Variants in ULK4 observed in about 807,000 individuals in gnomAD.
ULK4 encodes the protein unc-51 like kinase 4.
ULK4 carries 133 observed loss-of-function variants against 160.6 expected under a neutral mutation model. The observed-to-expected ratio is 0.83, with a 90% CI of 0.72 to 0.96. The LOEUF is 0.96. ULK4 is among the 40% of genes least tolerant of loss of function. The probability of loss-of-function intolerance (pLI) is 0.00; values close to 1 mark genes in which losing one functional copy is unlikely to be tolerated. For missense variants in ULK4, 1,580 were observed against 1,499.5 expected (o/e 1.05, Z -0.89); for synonymous variants, 534 against 539.8 (o/e 0.99, Z 0.15).
intron 34 of ULK4, among the ~76,000 whole-genome samples, chr3:41,441,522 T>C (rs1296397151): frequency 2.6e-5 from 4 of 152,070 alleles, no homozygotes; most frequent in Non-Finnish European, 5.9e-5. Flanking sequence ...TTCTCTATAT[T>C]ACAAAATATA....
intron 34 of ULK4, among the ~76,000 whole-genome samples, chr3:41,438,975 A>T (rs917752773): frequency 5.2e-5 from 7 of 134,146 alleles, no homozygotes; most frequent in Non-Finnish European, 7.8e-5. Context: ...CACCAGGAAA[A>T]TTTAAAAAAA....
At chr3:41,387,449 T>G (rs2081843982) in intron 35 of ULK4, among the ~76,000 whole-genome samples, 1 of 152,142 alleles carries the variant, frequency 6.6e-6, no homozygotes, top group Non-Finnish European at 1.5e-5. Flanking sequence ...TGTATACATG[T>G]GCCATGTTGG....
intron 22 of ULK4, among the ~76,000 whole-genome samples, chr3:41,745,443 CT>C (rs1413061766): frequency 6.6e-6 from 1 of 151,630 alleles, no homozygotes; most frequent in African/African-American, 2.4e-5. Context: ...ACTACCAAAA[CT>C]TGACCTAGTA....
At position 41,246,699 on chromosome 3, in the gene ULK4, A is replaced by C; in HGVS notation, c.*230T>G. 1.9e-6 allele frequency: 1 copy of C among 526,560 alleles called. No individual in the cohort carries two copies. Among genetic ancestry groups the C allele is most frequent in the South Asian group, 2.8e-5 (1 of 35,504 alleles). The allele number at this position is 526,560 out of a possible 1,614,324, so 32.6% of individuals were successfully genotyped here. A position where few individuals can be genotyped will look rare whatever the true frequency, so the allele number is the denominator to read the frequency against. ...GAACATTTCTGAGAACAGCTAACAA[A>C]CCTGGGCTTCCCAGATGCATTCCAC... is the stretch of plus-strand genomic sequence containing the variant. On this transcript the variant is annotated 3_prime_UTR_variant, in exon 37 of 37. Coordinates refer to ENST00000301831, the MANE Select transcript of ULK4 (RefSeq NM_017886.4).
At chr3:41,349,099 G>A (rs2080862028) in intron 35 of ULK4, among the ~76,000 whole-genome samples, 1 of 152,158 alleles carries the variant, frequency 6.6e-6, no homozygotes, top group South Asian at 2.1e-4. Context: ...GAGCACATCT[G>A]GAAGACCAGA....
intron 21 of ULK4, among the ~76,000 whole-genome samples, chr3:41,785,105 A>C (rs992645290): frequency 1.3e-5 from 2 of 152,216 alleles, no homozygotes; most frequent in African/African-American, 4.8e-5. Context: ...ACACTTGAGT[A>C]ATCTATTAGA....
intron 16 of ULK4, among the ~76,000 whole-genome samples, chr3:41,887,782 CTA>C (rs1697776333): frequency 1.7e-4 from 1 of 5,852 alleles, no homozygotes; most frequent in Non-Finnish European, 0.013. Flanking sequence ...GATCATGCCA[CTA>C]CTGCACTCCC....
At chr3:41,830,997 T>A (rs1475024471) in intron 18 of ULK4, among the ~76,000 whole-genome samples, 1 of 146,208 alleles carries the variant, frequency 6.8e-6, no homozygotes, top group Admixed American at 6.8e-5. Context: ...GCACAGGGAA[T>A]GTTTTTATTA....
chr3:41,273,816 G>T (rs755238944), intron 35 of ULK4, among the ~76,000 whole-genome samples: 1 of 152,060 alleles, frequency 6.6e-6, no homozygotes, highest in African/African-American at 2.4e-5. Flanking sequence ...TCACCAGAAT[G>T]GACTGGTTCC....
chr3:41,424,360 G>A lies in ULK4; in HGVS notation c.3493-26096C>T, dbSNP rs180860375. Among the ~76,000 whole-genome samples, 35 of 151,112 alleles carry A rather than the reference G, an allele frequency of 2.3e-4. No individual in the cohort carries two copies. The East Asian group carries it at 6.4e-3, about 28-fold the overall frequency. On this transcript the variant is annotated intron_variant, in intron 34 of 36. Transcript: ENST00000301831. The stretch of plus-strand genomic sequence containing the variant: ...TCCTCCTGCTGGCTCTGAGGAATCC[G>A]GGCAGTCTGGACAAGTGGGATTCCC...
intron 35 of ULK4, among the ~76,000 whole-genome samples, chr3:41,303,433 A>T (rs1321322313): frequency 2.6e-4 from 39 of 152,230 alleles, no homozygotes; most frequent in Admixed American, 2.6e-3. Flanking sequence ...GTGACTGCAG[A>T]AATGTACCAC....
At chr3:41,346,810 T>C (rs918914369) in intron 35 of ULK4, among the ~76,000 whole-genome samples, 9 of 152,210 alleles carry the variant, frequency 5.9e-5, no homozygotes, top group African/African-American at 2.2e-4. Context: ...TTTTCTGAAA[T>C]AATTCCTTTA....
intron 34 of ULK4, among the ~76,000 whole-genome samples, chr3:41,449,400 A>G (rs2083376017): frequency 6.6e-6 from 1 of 152,188 alleles, no homozygotes; most frequent in East Asian, 1.9e-4. Context: ...TGGCGTATCC[A>G]GTGGAAATGT....
chr3:41,856,696 A>G (rs1381034458), intron 17 of ULK4, among the ~76,000 whole-genome samples: 1 of 149,172 alleles, frequency 6.7e-6, no homozygotes, highest in African/African-American at 2.4e-5. Flanking sequence ...AAAAGCATCT[A>G]AGAGTTCAAG....
At chr3:41,905,945 C>T (rs13063523) in intron 12 of ULK4, among the ~76,000 whole-genome samples, 76,642 of 151,850 alleles carry the variant, frequency 0.5, 22,100 homozygotes, top group East Asian at 0.79. Context: ...GGGCCGGGCA[C>T]GGTGGCTCAC....
chr3:41,418,226 A>G (rs1051823067), intron 34 of ULK4, among the ~76,000 whole-genome samples: 1 of 151,842 alleles, frequency 6.6e-6, no homozygotes, highest in African/African-American at 2.4e-5. Flanking sequence ...AAACTTAACT[A>G]CTAATAGCCT....
In ULK4 at chr3:41,491,425, TAA is replaced by T. The variant is rs749594345; in HGVS notation, c.3227-28174_3227-28173del. On this transcript the variant is annotated intron_variant, in intron 32 of 36. Transcript: ENST00000301831. ...AAATATGTAACAATACTACAAAAAT[TAA>T]AAGAGTTTGGCACTGGAACATAAGT... Among the ~76,000 whole-genome samples the T allele has an allele frequency of 1.4e-4, 21 of 152,050 alleles. No individual in the cohort carries two copies. The East Asian group carries it at 2.1e-3, about 15-fold the overall frequency.
At chr3:41,688,281 T>C in intron 27 of ULK4, among the ~76,000 whole-genome samples, 1 of 150,204 alleles carries the variant, frequency 6.7e-6, no homozygotes, top group Non-Finnish European at 1.5e-5. Context: ...TAGCCAAGCA[T>C]GGTGGCTCAC....
intron 22 of ULK4, among the ~76,000 whole-genome samples, chr3:41,719,705 C>A (rs2037385342): frequency 6.6e-6 from 1 of 152,176 alleles, no homozygotes; most frequent in South Asian, 2.1e-4. Flanking sequence ...AGGCTTCTAG[C>A]TAACTAGTCC....
Sources: allele counts gnomAD v4.1 joint callset (sites outside exome capture counted in the v4.1 genomes callset), GRCh38; gene constraint gnomAD v4.1.1; transcripts MANE v1.5; gene names NCBI Gene and HGNC (gene_info 2026-07-23, HGNC 2026-07-21).